WDR4: variants seen among roughly 807,000 people sequenced by gnomAD.
WDR4 encodes WDR4 tRNA N7-guanosine methyltransferase non-catalytic subunit.
Under a neutral mutation model 48.6 loss-of-function variants are expected in WDR4, and 47 were observed. That is an observed-to-expected ratio of 0.97 (90% confidence interval 0.77 to 1.23). The LOEUF (loss-of-function observed/expected upper bound fraction) is 1.23. Among genes scored for constraint, WDR4 ranks in the 50% most tolerant of loss-of-function variants. The pLI is 0.00. For synonymous variants in WDR4, 268 were observed against 230.0 expected (o/e 1.17, Z -1.49); for missense variants, 606 against 551.6 (o/e 1.10, Z -0.99).
At chr21:42,852,733 T>C (rs1404609535) in intron 9 of WDR4, among the ~76,000 whole-genome samples, 1 of 151,974 alleles carries the variant, frequency 6.6e-6, no homozygotes, top group Non-Finnish European at 1.5e-5. Flanking sequence ...CTGACCAACA[T>C]GGAGAAACCC....
intron 3 of WDR4, 105 bp from the exon 4 acceptor site, chr21:42,863,701 A>G (rs2058172924): frequency 1.5e-6 from 2 of 1,308,548 alleles, no homozygotes; most frequent in Admixed American, 4.5e-5. Context: ...ACCTGGCCAT[A>G]TGCTCTGTTT....
chr21:42,860,179 AGGAGGGT>A (rs997070764), intron 5 of WDR4, among the ~76,000 whole-genome samples: 1 of 152,140 alleles, frequency 6.6e-6, no homozygotes, highest in Non-Finnish European at 1.5e-5. Context: ...GCACACAGGG[AGGAGGGT>A]GGAGGGAGGA....
chr21:42,874,449 T>C (rs976478955), intron 2 of WDR4, among the ~76,000 whole-genome samples: 2 of 152,198 alleles, frequency 1.3e-5, no homozygotes, highest in African/African-American at 2.4e-5. Context: ...AACAGCAATG[T>C]TCAGGGAACA....
chr21:42,868,254 G>A (rs2058293262), intron 3 of WDR4, among the ~76,000 whole-genome samples: 1 of 152,166 alleles, frequency 6.6e-6, no homozygotes, highest in African/African-American at 2.4e-5. Flanking sequence ...TAGGAACCAG[G>A]ACACAGCGGG....
intron 10 of WDR4, among the ~76,000 whole-genome samples, 168 bp from the exon 11 acceptor site, chr21:42,850,410 C>A (rs761499077): frequency 2.0e-5 from 3 of 152,200 alleles, no homozygotes; most frequent in Non-Finnish European, 2.9e-5. Context: ...CTCCTGGGAC[C>A]CACACCCTGG....
At chr21:42,887,529 T>C in the WDR4 span, among the ~76,000 whole-genome samples, 139 of 152,256 alleles carry the variant, frequency 9.1e-4, no homozygotes, top group African/African-American at 3.1e-3. Context: ...TTTAAGTAGA[T>C]ACTTAGAGCA....
Position 42,876,748 on chromosome 21 carries a change from T to C in WDR4, c.109A>G (p.Ile37Val), listed in dbSNP as rs374493346. ...TTTTCTGCAGCACTGCAGTCATAGA[T>C]GAAGAGGCTGTCATCATCACTAAAG... is the stretch of plus-strand genomic sequence containing the variant. ...IASSDDDSLFIYDCSAAEKKS... is the reference protein window; with the variant it reads ...IASSDDDSLFVYDCSAAEKKS... The change falls in exon 2 of 11, where the codon ATC becomes GTC. Residue 37 changes from isoleucine (I) to valine (V), a missense_variant. Coordinates refer to ENST00000398208, the MANE Select transcript of WDR4 (RefSeq NM_018669.6). 8.1e-6 allele frequency: 13 copies of C among 1,613,634 alleles called. No individual in the cohort carries two copies. Among genetic ancestry groups the C allele is most frequent in the Middle Eastern group, 3.3e-4 (2 of 6,060 alleles).
intron 6 of WDR4, 59 bp downstream of exon 6, chr21:42,859,601 ACC>A: frequency 2.6e-6 from 1 of 382,348 alleles, no homozygotes; most frequent in Non-Finnish European, 5.1e-6. Flanking sequence ...GGAGGCGCCC[ACC>A]CCACCCTCCC....
chr21:42,849,961 CCTT>C lies in WDR4; in HGVS notation c.*85_*87del. On this transcript the variant is annotated 3_prime_UTR_variant, in exon 11 of 11. Transcript: ENST00000398208. ...CTGGTCACAACTGATGTCACCTTTT[CCTT>C]CTTGAAGGGACATGCCAGGATGCAG... 1.3e-6 allele frequency: 2 copies of C among 1,538,408 alleles called. No individual in the cohort carries two copies. The highest frequency in any genetic ancestry group is 4.5e-5 in the East Asian group (2 of 44,316).
At chr21:42,861,544 C>T (rs901571084) in intron 5 of WDR4, among the ~76,000 whole-genome samples, 5 of 151,824 alleles carry the variant, frequency 3.3e-5, no homozygotes, top group African/African-American at 1.2e-4. Flanking sequence ...GGGGAGGGGC[C>T]GGGGGGCTGC....
intron 3 of WDR4, among the ~76,000 whole-genome samples, chr21:42,866,132 A>G (rs767281073): frequency 1.3e-5 from 2 of 152,072 alleles, no homozygotes; most frequent in African/African-American, 4.8e-5. Flanking sequence ...ATAAACACAC[A>G]TGTCAAAATC....
At chr21:42,886,070 T>C in the WDR4 span, among the ~76,000 whole-genome samples, 6 of 151,952 alleles carry the variant, frequency 3.9e-5, no homozygotes, top group Middle Eastern at 3.4e-3. Flanking sequence ...GATTCTCCTG[T>C]CTCAGCCTCC....
At chr21:42,854,772 G>T in intron 7 of WDR4, 146 bp from the exon 8 acceptor site, 1 of 735,176 alleles carries the variant, frequency 1.4e-6, no homozygotes, top group Non-Finnish European at 2.2e-6. Flanking sequence ...TCTGGAATCA[G>T]TGGGGAAAGG....
chr21:42,876,330 C>T (rs995941699), intron 2 of WDR4, among the ~76,000 whole-genome samples: 1 of 150,786 alleles, frequency 6.6e-6, no homozygotes, highest in African/African-American at 2.4e-5. Flanking sequence ...TCTTGTGCCT[C>T]AGCCTCCCAA....
downstream of WDR4, among the ~76,000 whole-genome samples, chr21:42,848,617 C>T (rs1465133293): frequency 3.8e-5 from 3 of 79,610 alleles, no homozygotes; most frequent in South Asian, 4.7e-4. Flanking sequence ...TCACACACAG[C>T]GCACGATCAC....
At chr21:42,867,392 C>CA (rs1569329587) in intron 3 of WDR4, among the ~76,000 whole-genome samples, 4,427 of 64,808 alleles carry the variant, frequency 0.068, 254 homozygotes, top group South Asian at 0.15. Context: ...CTCCGCTCCA[C>CA]CAAAAAAAAA....
intron 10 of WDR4, among the ~76,000 whole-genome samples, chr21:42,850,773 G>A (rs1169353066): frequency 2.0e-5 from 3 of 152,218 alleles, no homozygotes; most frequent in South Asian, 2.1e-4. Context: ...GGTGCCTTAA[G>A]GCATCGAGTG....
the WDR4 span, among the ~76,000 whole-genome samples, chr21:42,891,058 C>T: frequency 1.3e-5 from 2 of 152,198 alleles, no homozygotes; most frequent in African/African-American, 4.8e-5. Context: ...CATAGTGGCT[C>T]ATGGCTGTAA....
rs201632192 is a variant in WDR4 at position 42,863,426 on chromosome 21, C to T, written c.453+14G>A. 16 of 1,602,374 alleles carry T rather than the reference C, an allele frequency of 1.0e-5. No homozygotes were observed. Among genetic ancestry groups the T allele is most frequent in the East Asian group, 9.0e-5 (4 of 44,570 alleles). On this transcript the variant is annotated intron_variant, in intron 4 of 10. Transcript: ENST00000398208. ...CACCTGCCATGTCCCCCACCTACCA[C>T]GTCCCCCACCTACCACATCTAACAG... is the stretch of plus-strand genomic sequence containing the variant.
Sources: allele counts gnomAD v4.1 joint callset (sites outside exome capture counted in the v4.1 genomes callset), GRCh38; gene constraint gnomAD v4.1.1; transcripts MANE v1.5; gene names NCBI Gene and HGNC (gene_info 2026-07-23, HGNC 2026-07-21).